Variants in HDAC9 observed in about 807,000 individuals in gnomAD.
The protein encoded by HDAC9 is histone deacetylase 9.
A neutral mutation model predicts 139.4 loss-of-function variants in HDAC9; 41 were observed. The observed-to-expected ratio is 0.29, with a 90% CI of 0.23 to 0.38. HDAC9 has a LOEUF of 0.38. Among genes scored for constraint, HDAC9 ranks in the 10% least tolerant of loss-of-function variants. The probability of loss-of-function intolerance (pLI) is 1.00; values close to 1 mark genes in which losing one functional copy is unlikely to be tolerated. For missense variants in HDAC9, 1,147 were observed against 1,297.0 expected (o/e 0.88, Z 1.78); for synonymous variants, 517 against 476.2 (o/e 1.09, Z -1.12).
At chr7:18,356,358 G>GGTTTT (rs778753255) in intron 1 of HDAC9, among the ~76,000 whole-genome samples, 2 of 55,162 alleles carry the variant, frequency 3.6e-5, no homozygotes, top group Admixed American at 6.5e-4. Flanking sequence ...CAGCACATAG[G>GGTTTT]TTTTTTTTTT....
At chr7:18,654,913 C>A (rs183418724) in intron 11 of HDAC9, among the ~76,000 whole-genome samples, 2 of 152,134 alleles carry the variant, frequency 1.3e-5, no homozygotes, top group African/African-American at 4.8e-5. Flanking sequence ...GCTTTCCAAA[C>A]GGTGCAGAGT....
At chr7:18,088,523 A>G (rs1477492045) in intron 1 of HDAC9, among the ~76,000 whole-genome samples, 5 of 152,236 alleles carry the variant, frequency 3.3e-5, no homozygotes, top group African/African-American at 4.8e-5. Flanking sequence ...TGACATTTGA[A>G]AAGGCCTGGA....
At chr7:18,931,573 AT>A (rs1804745301) in intron 22 of HDAC9, among the ~76,000 whole-genome samples, 1 of 152,220 alleles carries the variant, frequency 6.6e-6, no homozygotes, top group Non-Finnish European at 1.5e-5. Flanking sequence ...AGATTCACTC[AT>A]CCTGTTCATG....
intron 23 of HDAC9, among the ~76,000 whole-genome samples, chr7:18,937,030 ATTTTTT>A (rs768350029): frequency 1.0e-5 from 1 of 96,696 alleles, no homozygotes; most frequent in African/African-American, 3.8e-5. Context: ...GCTCTTGTTA[ATTTTTT>A]TTTTTTTTTT....
chr7:18,739,212 C>G (rs931015692), intron 13 of HDAC9, among the ~76,000 whole-genome samples: 1 of 152,142 alleles, frequency 6.6e-6, no homozygotes, highest in Non-Finnish European at 1.5e-5. Flanking sequence ...CGAACAAGCT[C>G]CTTTAGCTCA....
chr7:18,615,221 TTAAC>T (rs1270700645), intron 6 of HDAC9, among the ~76,000 whole-genome samples: 1 of 152,204 alleles, frequency 6.6e-6, no homozygotes. Context: ...AATATTTTGA[TTAAC>T]TATTTTGAAG....
At chr7:18,813,661 A>G (rs1258811401) in intron 17 of HDAC9, among the ~76,000 whole-genome samples, 1 of 152,172 alleles carries the variant, frequency 6.6e-6, no homozygotes, top group African/African-American at 2.4e-5. Context: ...GCAGTTATAC[A>G]TTTACTTTGT....
chr7:18,705,437 G>A (rs1783812591), intron 12 of HDAC9, among the ~76,000 whole-genome samples: 1 of 152,210 alleles, frequency 6.6e-6, no homozygotes, highest in Admixed American at 6.5e-5. Flanking sequence ...CACTGGGATA[G>A]AGTGTGGAGC....
chr7:18,773,164 A>G (rs1790459261), intron 16 of HDAC9, among the ~76,000 whole-genome samples: 2 of 152,040 alleles, frequency 1.3e-5, no homozygotes, highest in South Asian at 4.1e-4. Context: ...TATTGCTTTG[A>G]CATTATGGCT....
At chr7:18,306,780 C>A (rs923475449) in intron 1 of HDAC9, among the ~76,000 whole-genome samples, 2 of 152,120 alleles carry the variant, frequency 1.3e-5, no homozygotes, top group Admixed American at 6.6e-5. Flanking sequence ...ATCAATATTG[C>A]TGAATATAAA....
At chr7:18,234,176 C>T (rs983342922) in intron 2 of HDAC9, among the ~76,000 whole-genome samples, 3 of 152,180 alleles carry the variant, frequency 2.0e-5, no homozygotes, top group African/African-American at 7.2e-5. Context: ...CCAGGTATTA[C>T]AGAGTGCTGG....
In HDAC9 at chr7:18,174,093, G is replaced by T. The variant is rs568620522; in HGVS notation, c.25+11744G>T. 1.2e-4 allele frequency among the ~76,000 whole-genome samples: 19 copies of T among 152,276 alleles called. No homozygotes were observed. In the South Asian group the frequency reaches 3.7e-3, roughly 30 times the overall value. ...TCACTTTCAGGTACACCAATCAGAT[G>T]TAGATTTGGTCTTTTCGCATAGTCC... On this transcript the variant is annotated intron_variant, in intron 2 of 12. Transcript: ENST00000417496.
At chr7:18,354,862 G>T (rs1783131430) in intron 1 of HDAC9, among the ~76,000 whole-genome samples, 1 of 152,128 alleles carries the variant, frequency 6.6e-6, no homozygotes, top group African/African-American at 2.4e-5. Flanking sequence ...GGGCACGTAA[G>T]CTCTGATGTG....
At chr7:18,969,262 C>G (rs942785910) in intron 24 of HDAC9, among the ~76,000 whole-genome samples, 1 of 152,096 alleles carries the variant, frequency 6.6e-6, no homozygotes, top group Non-Finnish European at 1.5e-5. Flanking sequence ...GTGGAGAGAT[C>G]TTATAATACA....
chr7:18,872,338 C>A (rs1302794105), intron 21 of HDAC9, among the ~76,000 whole-genome samples: 1 of 152,104 alleles, frequency 6.6e-6, no homozygotes, highest in Non-Finnish European at 1.5e-5. Context: ...ACCTACGTAG[C>A]AAATGTGCAA....
At chr7:18,643,721 A>G (rs1435492457) in intron 8 of HDAC9, among the ~76,000 whole-genome samples, 4 of 152,186 alleles carry the variant, frequency 2.6e-5, no homozygotes, top group African/African-American at 4.8e-5. Flanking sequence ...CGTGTGTGCA[A>G]TATCCCTCTT....
At chr7:18,183,155 G>T (rs965153338) in intron 2 of HDAC9, among the ~76,000 whole-genome samples, 23 of 151,998 alleles carry the variant, frequency 1.5e-4, no homozygotes, top group Non-Finnish European at 3.1e-4. Context: ...GACTACAGGT[G>T]CCTGCCACCA....
intron 2 of HDAC9, among the ~76,000 whole-genome samples, chr7:18,282,045 TAGAAAA>T (rs1305522378): frequency 6.6e-6 from 1 of 152,152 alleles, no homozygotes; most frequent in Non-Finnish European, 1.5e-5. Flanking sequence ...GTAAAGCGTT[TAGAAAA>T]AGGGCCTGAA....
At chr7:18,309,692 A>G (rs1402435568) in intron 1 of HDAC9, among the ~76,000 whole-genome samples, 1 of 152,130 alleles carries the variant, frequency 6.6e-6, no homozygotes, top group Non-Finnish European at 1.5e-5. Context: ...TTTCGGGAAC[A>G]TTTGTTGTGG....
Sources: gnomAD v4.1 joint callset for allele counts (sites outside exome capture counted in the v4.1 genomes callset) on GRCh38, gnomAD v4.1.1 for gene constraint, MANE v1.5 for transcripts, NCBI Gene and HGNC (gene_info 2026-07-23, HGNC 2026-07-21) for gene names.